POU2AF3: variants seen among roughly 807,000 people sequenced by gnomAD.
The protein encoded by POU2AF3 is cancer susceptibility candidate 13.
chr11:111,306,379 TCCTTTC>T, the POU2AF3 span: 4 of 1,395,098 alleles, frequency 2.9e-6, no homozygotes, highest in Non-Finnish European at 3.7e-6. Flanking sequence ...CCTGCCTTTT[TCCTTTC>T]TCCTCTAGGA....
chr11:111,304,798 C>A, the POU2AF3 span: 6 of 464,188 alleles, frequency 1.3e-5, no homozygotes, highest in South Asian at 1.1e-4. Flanking sequence ...AAGAAAGCAA[C>A]TTTTTCTGAG....
At chr11:111,307,960 G>GT in the POU2AF3 span, 399 of 1,107,364 alleles carry the variant, frequency 3.6e-4, 2 homozygotes, top group African/African-American at 5.9e-3. Context: ...GTTTGATTTG[G>GT]TTTTTTACCC....
At chr11:111,306,543 T>A in the POU2AF3 span, 2 of 1,551,516 alleles carry the variant, frequency 1.3e-6, no homozygotes, top group Non-Finnish European at 1.7e-6. Context: ...CCCGGAGCCT[T>A]TGCTCAATTC....
the POU2AF3 span, among the ~76,000 whole-genome samples, chr11:111,303,607 C>A: frequency 6.6e-6 from 1 of 152,164 alleles, no homozygotes; most frequent in Admixed American, 6.5e-5. Flanking sequence ...TTTTTTAATA[C>A]CCACTCCTTC....
At chr11:111,300,664 C>T in the POU2AF3 span, 1 of 1,090,234 alleles carries the variant, frequency 9.2e-7, no homozygotes, top group Non-Finnish European at 1.2e-6. Context: ...CATGCCAGGC[C>T]TCTTTCAAAG....
the POU2AF3 span, among the ~76,000 whole-genome samples, chr11:111,306,961 T>C: frequency 2.2e-3 from 341 of 152,342 alleles, 7 homozygotes; most frequent in East Asian, 0.054. Flanking sequence ...TGGAAGTCAG[T>C]GGTTTAAACA....
chr11:111,299,759 C>T, the POU2AF3 span: 3 of 1,217,674 alleles, frequency 2.5e-6, no homozygotes, highest in Non-Finnish European at 3.1e-6. Flanking sequence ...AGAGTAGGAG[C>T]GGGGGCGAAG....
chr11:111,306,448 G>T, the POU2AF3 span: 1 of 1,494,610 alleles, frequency 6.7e-7, no homozygotes, highest in Non-Finnish European at 8.9e-7. Flanking sequence ...TTGCAACGGG[G>T]AGAATTTTCC....
chr11:111,303,062 T>C, the POU2AF3 span, among the ~76,000 whole-genome samples: 2 of 152,182 alleles, frequency 1.3e-5, no homozygotes, highest in Non-Finnish European at 2.9e-5. Context: ...GTCAGTGTAG[T>C]ATCCACAATT....
the POU2AF3 span, chr11:111,298,624 G>C: frequency 1.3e-5 from 16 of 1,246,012 alleles, no homozygotes; most frequent in Non-Finnish European, 1.6e-5. Context: ...CGGGTCAGGC[G>C]GGCCAGGGGC....
chr11:111,308,430 A>G, the POU2AF3 span: 162 of 1,544,420 alleles, frequency 1.0e-4, no homozygotes, highest in Middle Eastern at 1.7e-4. Flanking sequence ...GACATCTGCT[A>G]TAGTTAATAG....
At chr11:111,298,828 C>CGGCCG in the POU2AF3 span, 3 of 411,066 alleles carry the variant, frequency 7.3e-6, no homozygotes, top group Non-Finnish European at 1.2e-5. Context: ...TACCCCAGGC[C>CGGCCG]CCCGCCCGCC....
At chr11:111,306,656 G>T in the POU2AF3 span, 1 of 1,471,432 alleles carries the variant, frequency 6.8e-7, no homozygotes, top group Non-Finnish European at 9.3e-7. Flanking sequence ...ATACCTGATT[G>T]TGTCTAACTA....
the POU2AF3 span, among the ~76,000 whole-genome samples, chr11:111,303,241 A>G: frequency 3.5e-5 from 5 of 143,828 alleles, no homozygotes; most frequent in Non-Finnish European, 7.8e-5. Context: ...AAACATGCGC[A>G]TGCACGCACA....
the POU2AF3 span, among the ~76,000 whole-genome samples, chr11:111,306,823 C>A: frequency 1.3e-5 from 2 of 152,120 alleles, no homozygotes; most frequent in Non-Finnish European, 2.9e-5. Flanking sequence ...TGGATACACA[C>A]GTAATTTAGA....
the POU2AF3 span, chr11:111,299,126 C>T: frequency 1.8e-5 from 17 of 959,908 alleles, no homozygotes; most frequent in Admixed American, 6.2e-5. Context: ...TCCCTGGGTC[C>T]GGGCTAGGAA....
chr11:111,298,826 G>GCCGGGGCCCC, the POU2AF3 span: 4 of 790,960 alleles, frequency 5.1e-6, no homozygotes, highest in Non-Finnish European at 6.8e-6. Context: ...CGTACCCCAG[G>GCCGGGGCCCC]CCCCCGCCCG....
chr11:111,303,073 T>C, the POU2AF3 span, among the ~76,000 whole-genome samples: 14,119 of 152,276 alleles, frequency 0.093, 919 homozygotes, highest in Middle Eastern at 0.19. Context: ...ATCCACAATT[T>C]AAAATTTTAA....
At chr11:111,303,772 C>T in the POU2AF3 span, among the ~76,000 whole-genome samples, 2 of 152,076 alleles carry the variant, frequency 1.3e-5, no homozygotes, top group Non-Finnish European at 2.9e-5. Flanking sequence ...CTCCCTGTGG[C>T]TCAGAGTATG....
Sources: allele counts gnomAD v4.1 joint callset (sites outside exome capture counted in the v4.1 genomes callset), GRCh38; gene constraint gnomAD v4.1.1; transcripts MANE v1.5; gene names NCBI Gene and HGNC (gene_info 2026-07-23, HGNC 2026-07-21).